ARID4B: variants seen among roughly 807,000 people sequenced by gnomAD.
ARID4B encodes AT-rich interactive domain-containing protein 4B.
A neutral mutation model predicts 147.5 loss-of-function variants in ARID4B; 26 were observed. The ratio of observed to expected loss-of-function variants is 0.18; its 90% CI spans 0.13 to 0.24. The LOEUF (loss-of-function observed/expected upper bound fraction) is 0.24, where lower values mean the gene tolerates loss of function less well. ARID4B is among the 10% of genes least tolerant of loss of function. The probability of loss-of-function intolerance (pLI) is 1.00; values close to 1 mark genes in which losing one functional copy is unlikely to be tolerated. For missense variants in ARID4B, 1,179 were observed against 1,511.5 expected, an observed-to-expected ratio of 0.78 and a Z score of 3.65; for synonymous variants, 512 against 507.9, an observed-to-expected ratio of 1.01 and a Z score of -0.11.
At chr1:235,242,291 G>T (rs1285181367) in intron 7 of ARID4B, among the ~76,000 whole-genome samples, 1 of 150,724 alleles carries the variant, frequency 6.6e-6, no homozygotes. Context: ...GGCACTTAAA[G>T]AAGTTCAATC....
intron 7 of ARID4B, among the ~76,000 whole-genome samples, chr1:235,244,949 C>T (rs184402260): frequency 7.0e-4 from 106 of 152,268 alleles, no homozygotes; most frequent in African/African-American, 2.3e-3. Flanking sequence ...GTAATGCTTA[C>T]ACACCAAGGC....
At chr1:235,263,428 C>T (rs1181975255) in intron 2 of ARID4B, among the ~76,000 whole-genome samples, 2 of 152,156 alleles carry the variant, frequency 1.3e-5, no homozygotes, top group South Asian at 2.1e-4. Flanking sequence ...ACACTAGCAA[C>T]ATTTCAACTA....
At chr1:235,185,574 C>A (rs1664617866) in intron 19 of ARID4B, among the ~76,000 whole-genome samples, 1 of 152,188 alleles carries the variant, frequency 6.6e-6, no homozygotes. Context: ...CTCACATCTT[C>A]TTCTTCCTTG....
intron 2 of ARID4B, among the ~76,000 whole-genome samples, chr1:235,307,079 A>G (rs1352433674): frequency 6.6e-6 from 1 of 152,214 alleles, no homozygotes; most frequent in Non-Finnish European, 1.5e-5. Flanking sequence ...GTACCTACAA[A>G]TTACAGAGAA....
At chr1:235,230,594 TA>T (rs1175996354) in intron 10 of ARID4B, among the ~76,000 whole-genome samples, 34 of 58,398 alleles carry the variant, frequency 5.8e-4, no homozygotes, top group African/African-American at 2.0e-3. Flanking sequence ...GACTATAAGC[TA>T]AAAAAAAAAA....
At chr1:235,223,368 C>T (rs1269027963) in intron 12 of ARID4B, 108 bp from the exon 13 acceptor site, 3 of 268,078 alleles carry the variant, frequency 1.1e-5, no homozygotes, top group East Asian at 7.6e-5. Flanking sequence ...TATATATACA[C>T]GTATATATAT....
At chr1:235,225,437 G>A (rs1184486789) in intron 11 of ARID4B, among the ~76,000 whole-genome samples, 1 of 152,230 alleles carries the variant, frequency 6.6e-6, no homozygotes, top group East Asian at 1.9e-4. Context: ...GCAGCAGGGA[G>A]CTGGTCCTGA....
At chr1:235,232,918 C>G (rs1416096739) in intron 9 of ARID4B, among the ~76,000 whole-genome samples, 3 of 151,942 alleles carry the variant, frequency 2.0e-5, no homozygotes. Flanking sequence ...GCTCACGGCA[C>G]CCTCCATCTC....
At chr1:235,279,751 A>C (rs1269524323) in intron 2 of ARID4B, among the ~76,000 whole-genome samples, 1 of 152,162 alleles carries the variant, frequency 6.6e-6, no homozygotes, top group African/African-American at 2.4e-5. Context: ...AATATGGCTT[A>C]AGCTTTCATT....
At chr1:235,310,636 CTTCCTATAGAGATCCA>C (rs555325856) in intron 2 of ARID4B, among the ~76,000 whole-genome samples, 65 of 152,278 alleles carry the variant, frequency 4.3e-4, no homozygotes, top group Middle Eastern at 3.4e-3. Context: ...GCTGGGGACA[CTTCCTATAGAGATCCA>C]TTCCAAAATT....
intron 2 of ARID4B, among the ~76,000 whole-genome samples, chr1:235,299,795 G>A (rs908309418): frequency 6.6e-6 from 1 of 152,194 alleles, no homozygotes; most frequent in African/African-American, 2.4e-5. Context: ...TTGGTGGTTA[G>A]CTGCTTGAAG....
At chr1:235,327,141 C>T in intron 1 of ARID4B, 173 bp from the exon 2 acceptor site, 1 of 576,404 alleles carries the variant, frequency 1.7e-6, no homozygotes, top group South Asian at 2.0e-5. Context: ...CCGCCATCCC[C>T]GCAAACCCAA....
rs376835001 is a variant in ARID4B, at chr1:235,237,224, G to C, written c.586-2732C>G. On this transcript the variant is annotated intron_variant, in intron 8 of 23. Coordinates refer to ENST00000264183, the MANE Select transcript of ARID4B (RefSeq NM_016374.6). The stretch of plus-strand genomic sequence containing the variant: ...ACAAAGACTCCTAGTGCTTTAGAAA[G>C]AAAGAAAGAATCGCAAACACTGATG... 5.9e-5 allele frequency among the ~76,000 whole-genome samples: 9 copies of C among 152,014 alleles called. No homozygotes were observed. In the South Asian group the frequency reaches 1.9e-3, roughly 32 times the overall value.
Position 235,211,409 on chromosome 1 carries a change from A to C in ARID4B, c.1841+2360T>G, listed in dbSNP as rs557834073. Among the ~76,000 whole-genome samples, 5 of 152,306 alleles carry C rather than the reference A, an allele frequency of 3.3e-5. No individual in the cohort carries two copies. The South Asian group carries it at 8.3e-4, about 25-fold the overall frequency. ...ATACAGTGAAAGTTGGAGAACACCT[A>C]AATTCTATCCCTTTTTCATAGAATT... On this transcript the variant is annotated intron_variant, in intron 17 of 23. Transcript: ENST00000264183.
chr1:235,183,362 C>T (rs1214663035), intron 19 of ARID4B, among the ~76,000 whole-genome samples: 1 of 152,010 alleles, frequency 6.6e-6, no homozygotes, highest in Non-Finnish European at 1.5e-5. Flanking sequence ...GCGCCCACCA[C>T]CACGCCCGGC....
intron 17 of ARID4B, among the ~76,000 whole-genome samples, chr1:235,207,611 T>G (rs1172678220): frequency 6.6e-6 from 1 of 152,102 alleles, no homozygotes; most frequent in African/African-American, 2.4e-5. Context: ...AATAAAGAAT[T>G]TATTATTATT....
intron 2 of ARID4B, among the ~76,000 whole-genome samples, chr1:235,263,725 C>T (rs1049453524): frequency 6.6e-6 from 1 of 152,018 alleles, no homozygotes; most frequent in African/African-American, 2.4e-5. Flanking sequence ...GCGGGACTCA[C>T]ACCTGTAATC....
At chr1:235,301,207 A>C (rs1002364565) in intron 2 of ARID4B, among the ~76,000 whole-genome samples, 1 of 151,376 alleles carries the variant, frequency 6.6e-6, no homozygotes, top group Non-Finnish European at 1.5e-5. Context: ...TTCTACTGTA[A>C]ATTTTATTAA....
At chr1:235,309,977 C>T (rs1382791818) in intron 2 of ARID4B, among the ~76,000 whole-genome samples, 1 of 151,990 alleles carries the variant, frequency 6.6e-6, no homozygotes, top group Non-Finnish European at 1.5e-5. Context: ...TGCTTGAAGG[C>T]AGCATGCTCC....
Sources: allele counts gnomAD v4.1 joint callset (sites outside exome capture counted in the v4.1 genomes callset), GRCh38; gene constraint gnomAD v4.1.1; transcripts MANE v1.5; gene names NCBI Gene and HGNC (gene_info 2026-07-23, HGNC 2026-07-21).